ARHGEF6: variants seen among roughly 807,000 people sequenced by gnomAD.
The protein encoded by ARHGEF6 is Rac/Cdc42 guanine nucleotide exchange factor 6.
ARHGEF6 carries 9 observed loss-of-function variants against 70.3 expected under a neutral mutation model. That is an observed-to-expected ratio of 0.13 (90% CI 0.08 to 0.22). The LOEUF (loss-of-function observed/expected upper bound fraction) is 0.22, where lower values mean the gene tolerates loss of function less well. ARHGEF6 is among the 10% of genes least tolerant of loss of function. The pLI is 1.00. For missense variants in ARHGEF6, 470 were observed against 563.0 expected (o/e 0.83, Z 1.67); for synonymous variants, 201 against 207.8 (o/e 0.97, Z 0.28).
Position 136,672,113 on chromosome X carries a change from C to T in ARHGEF6, c.2042G>A (p.Arg681Gln), listed in dbSNP as rs970851888. Reference sequence around the variant, plus strand: ...TAGGACTTGTGGAATGGAATCTTTTCGAGTACCTACAAACAAGGGTTGCAA... The same window carrying T: ...TAGGACTTGTGGAATGGAATCTTTTTGAGTACCTACAAACAAGGGTTGCAA... ...NFQQGHGSSTRKDSIPQVLLP... is the reference protein window; with the variant it reads ...NFQQGHGSSTQKDSIPQVLLP... The change falls in exon 20 of 22, where the codon CGA becomes CAA. Residue 681 changes from arginine (R) to glutamine (Q), a missense_variant. This residue lies in a region of ARHGEF6 where 88 missense variants were observed against 95.5 expected (regional missense o/e 0.92). Coordinates refer to ENST00000250617, the MANE Select transcript of ARHGEF6 (RefSeq NM_004840.3). 1.3e-5 allele frequency: 15 copies of T among 1,195,834 alleles called. No individual in the cohort carries two copies. The highest frequency in any genetic ancestry group is 1.8e-5 in the South Asian group (1 of 56,470).
intron 2 of ARHGEF6, among the ~76,000 whole-genome samples, chrX:136,769,217 GC>G (rs1463958273): frequency 9.0e-6 from 1 of 110,976 alleles, no homozygotes; most frequent in Admixed American, 9.6e-5. Context: ...TTCGAGACCA[GC>G]CTGGCCAACA....
intron 5 of ARHGEF6, among the ~76,000 whole-genome samples, chrX:136,742,147 C>T: frequency 9.0e-6 from 1 of 111,206 alleles, no homozygotes; most frequent in South Asian, 3.8e-4. Flanking sequence ...GGTGAAACCC[C>T]ATCTCTACTA....
chrX:136,760,332 C>A (rs1250340623), intron 2 of ARHGEF6, among the ~76,000 whole-genome samples: 1 of 112,508 alleles, frequency 8.9e-6, no homozygotes, highest in African/African-American at 3.2e-5. Context: ...ATCACATCAC[C>A]TCTCAGACTG....
Position 136,706,934 on chromosome X carries a change from T to G in ARHGEF6, c.1020A>C (p.Ser340=). ...TGTGCTGAGTGAGCACATTTACAGCTGAAGGATGGTTTGCACAGTAAGCCA... is the reference window on the plus strand; with the variant it reads ...TGTGCTGAGTGAGCACATTTACAGCGGAAGGATGGTTTGCACAGTAAGCCA... ...MYLAYCANHP[S]AVNVLTQHSD... Residue 340 remains serine (S), a synonymous_variant, in exon 9 of 22, where the codon TCA becomes TCC. Coordinates refer to ENST00000250617, the MANE Select transcript of ARHGEF6 (RefSeq NM_004840.3). 6 of 1,211,714 alleles carry G rather than the reference T, an allele frequency of 5.0e-6. No homozygotes were observed. Among genetic ancestry groups the G allele is most frequent in the Non-Finnish European group, 6.7e-6 (6 of 895,416 alleles).
At chrX:136,685,202 G>A (rs1186503568) in intron 12 of ARHGEF6, among the ~76,000 whole-genome samples, 1 of 110,948 alleles carries the variant, frequency 9.0e-6, no homozygotes, top group Non-Finnish European at 1.9e-5. Context: ...TTGTTTTTGT[G>A]CCCCCTCCTC....
chrX:136,715,914 G>C (rs927557628), intron 6 of ARHGEF6, among the ~76,000 whole-genome samples: 9 of 112,125 alleles, frequency 8.0e-5, no homozygotes, highest in African/African-American at 2.9e-4. Context: ...CCTATTTTTT[G>C]TTTGTTTGTT....
intron 9 of ARHGEF6, among the ~76,000 whole-genome samples, chrX:136,694,633 AT>A (rs1254008930): frequency 7.2e-5 from 8 of 111,616 alleles, no homozygotes; most frequent in Non-Finnish European, 1.5e-4. Context: ...CTGATCTCTC[AT>A]TTAACCCTCT....
At position 136,677,922 on chromosome X, in the gene ARHGEF6, T is replaced by G. The variant is rs745588480; in HGVS notation, c.1851+14A>C. On this transcript the variant is annotated intron_variant, in intron 17 of 21. Transcript: ENST00000250617. ...TGATGTCACTGTAAGCCAAAGATAT[T>G]GTACTACCCTTACCTTTAAGATATA... 18 of 1,188,332 alleles carry G rather than the reference T, an allele frequency of 1.5e-5. No homozygotes were observed. The South Asian group carries it at 3.1e-4, about 20-fold the overall frequency.
chrX:136,751,720 T>C (rs1466771483), intron 2 of ARHGEF6, among the ~76,000 whole-genome samples: 2 of 111,126 alleles, frequency 1.8e-5, no homozygotes, highest in East Asian at 5.6e-4. Context: ...TATCTATGAA[T>C]AGGGAAGTAG....
At chrX:136,724,155 A>G (rs1310782182) in intron 6 of ARHGEF6, among the ~76,000 whole-genome samples, 1 of 107,369 alleles carries the variant, frequency 9.3e-6, no homozygotes, top group Non-Finnish European at 1.9e-5. Context: ...TCTCGGCTCA[A>G]TGCAACCTCT....
At chrX:136,727,333 CTTTCTTTCTTTCTTTCTTTCTT>C (rs2076866947) in intron 6 of ARHGEF6, among the ~76,000 whole-genome samples, 2 of 32,785 alleles carry the variant, frequency 6.1e-5, no homozygotes, top group South Asian at 2.1e-3. Flanking sequence ...CTTTTTCTTT[CTTTCTTTCTTTCTTTCTTTCTT>C]TCTTTCTTTC....
rs758322962 is a variant in ARHGEF6, at chrX:136,743,607, A to G, written c.639T>C (p.Tyr213=). 26 of 1,211,980 alleles carry G rather than the reference A, an allele frequency of 2.1e-5. No homozygotes were observed. The highest frequency in any genetic ancestry group is 2.9e-5 in the Non-Finnish European group (26 of 895,471). The change falls in exon 5 of 22, where the codon TAT becomes TAC. Residue 213 remains tyrosine (Y), a synonymous_variant. Coordinates refer to ENST00000250617, the MANE Select transcript of ARHGEF6 (RefSeq NM_004840.3). ...NGRTGWFPSN[Y]VREIKSSERP... ...TACCACTGGATTTAATTTCACGGAC[A>G]TAATTACTGGGGAACCAGCCTGTTC...
At position 136,774,742 on chromosome X, in the gene ARHGEF6, G is replaced by GA. The variant is rs370065175; in HGVS notation, c.249+4671dup. Among the ~76,000 whole-genome samples, 369 of 96,386 alleles carry GA rather than the reference G, an allele frequency of 3.8e-3. 3 individuals carry two copies. Among genetic ancestry groups the GA allele is most frequent in the African/African-American group, 0.014 (356 of 26,354 alleles). 83.7% of individuals were successfully genotyped at this position (96,386 alleles called of 115,157 possible). On this transcript the variant is annotated intron_variant, in intron 2 of 21. Transcript: ENST00000250617. The stretch of plus-strand genomic sequence containing the variant: ...TTCCTGAAGAGTCTGGACCATAATA[G>GA]AAAAAAAAAAGAAAATTCCATAGTA...
chrX:136,690,981 T>A (rs2076451946), intron 9 of ARHGEF6, among the ~76,000 whole-genome samples: 1 of 110,378 alleles, frequency 9.1e-6, no homozygotes, highest in Non-Finnish European at 1.9e-5. Flanking sequence ...TGATCCCTGG[T>A]GTCACACATT....
At chrX:136,686,601 T>TATATATATATATATATATATACAC (rs1229897080) in intron 11 of ARHGEF6, among the ~76,000 whole-genome samples, 88 of 74,485 alleles carry the variant, frequency 1.2e-3, no homozygotes, top group Non-Finnish European at 1.7e-3. Flanking sequence ...TGTGTATATA[T>TATATATATATATATATATATACAC]ATATATATAT....
chrX:136,746,204 C>T (rs2148662295), intron 3 of ARHGEF6, among the ~76,000 whole-genome samples: 1 of 112,139 alleles, frequency 8.9e-6, no homozygotes, highest in South Asian at 3.7e-4. Flanking sequence ...GACTGTAAAA[C>T]TTGCTAGGAG....
chrX:136,696,208 C>A (rs894020951), intron 9 of ARHGEF6, among the ~76,000 whole-genome samples: 1 of 111,218 alleles, frequency 9.0e-6, no homozygotes, highest in Admixed American at 9.6e-5. Context: ...AGGCTCAGAT[C>A]AGGCAAGGGC....
chrX:136,733,568 T>C (rs2148649987), intron 5 of ARHGEF6, among the ~76,000 whole-genome samples: 1 of 112,195 alleles, frequency 8.9e-6, no homozygotes, highest in African/African-American at 3.2e-5. Flanking sequence ...AATTCTTCTA[T>C]TACAATATTA....
chrX:136,776,494 G>A (rs1221854359), intron 2 of ARHGEF6, among the ~76,000 whole-genome samples: 1 of 111,647 alleles, frequency 9.0e-6, no homozygotes, highest in Non-Finnish European at 1.9e-5. Context: ...CCACATGTAG[G>A]AGAATGAACC....
Sources: gnomAD v4.1 joint callset for allele counts (sites outside exome capture counted in the v4.1 genomes callset) on GRCh38, gnomAD v4.1.1 for gene constraint, gnomAD v4.1.1 regional missense constraint, MANE v1.5 for transcripts, NCBI Gene and HGNC (gene_info 2026-07-23, HGNC 2026-07-21) for gene names.